Variants in NOL3 observed in about 807,000 individuals in gnomAD.
The protein encoded by NOL3 is nucleolar protein 3, also known as muscle-enriched cytoplasmic protein.
Under a neutral mutation model 19.2 loss-of-function variants are expected in NOL3, and 18 were observed. That is an observed-to-expected ratio of 0.94 (90% confidence interval 0.65 to 1.39). The LOEUF is 1.39. Among genes scored for constraint, NOL3 ranks in the 40% most tolerant of loss-of-function variants. The pLI is 0.00. For missense variants in NOL3, 290 were observed against 289.5 expected (o/e 1.00, Z -0.01); for synonymous variants, 127 against 137.3 (o/e 0.93, Z 0.52).
exon 2 of NOL3, chr16:67,174,363 T>C: frequency 6.3e-7 from 1 of 1,581,260 alleles, no homozygotes; most frequent in Non-Finnish European, 8.6e-7. Context: ...CTGCTGCTGG[T>C]GCAGGGCAAG....
chr16:67,174,093 G>T, intron 1 of NOL3, 69 bp from the exon 2 acceptor site: 1 of 1,597,170 alleles, frequency 6.3e-7, no homozygotes. Context: ...CATTGAGGGA[G>T]TGGTCAGAGG....
rs773637094 is a variant in NOL3 at position 67,174,658 on chromosome 16, C to A, written c.333C>A (p.Gly111=). The change falls in exon 3 of 4, where the codon GGC becomes GGA. Residue 111 remains glycine, a synonymous_variant. Transcript: ENST00000268605. ...GCAGCTATGACCCTCCATGCCCAGG[C>A]CACTGGACGCCGGAGGCACCCGGCT... 9 of 1,577,052 alleles carry A rather than the reference C, an allele frequency of 5.7e-6. No homozygotes were observed. The African/African-American group carries it at 8.1e-5, about 14-fold the overall frequency.
exon 2 of NOL3, chr16:67,174,380 G>A (rs746171230): frequency 4.5e-6 from 7 of 1,564,076 alleles, no homozygotes; most frequent in Non-Finnish European, 6.0e-6. Flanking sequence ...CAAGGGCGAG[G>A]CCGCCTGCCA....
At chr16:67,175,643 G>A (rs1180819924) in exon 4 of NOL3, 2 of 153,820 alleles carry the variant, frequency 1.3e-5, no homozygotes, top group African/African-American at 2.4e-5. Context: ...CTCTGGACTG[G>A]GAGCTCAGTG....
intron 1 of NOL3, chr16:67,171,200 T>A (rs2031734633): frequency 6.6e-6 from 1 of 152,386 alleles, no homozygotes; most frequent in African/African-American, 2.4e-5. Flanking sequence ...AGGGACACTC[T>A]GGAAAACTCA....
At chr16:67,172,053 C>G (rs964909864) in intron 1 of NOL3, 1 of 152,072 alleles carries the variant, frequency 6.6e-6, no homozygotes, top group Admixed American at 6.6e-5. Context: ...GGCAGGATGG[C>G]GGCTAGGACT....
chr16:67,172,782 G>A (rs2031844215), intron 1 of NOL3: 2 of 151,158 alleles, frequency 1.3e-5, no homozygotes, highest in Non-Finnish European at 2.9e-5. Context: ...CCAGCAGTTC[G>A]AGACCAGCCT....
chr16:67,172,690 G>C, intron 1 of NOL3: 1 of 151,646 alleles, frequency 6.6e-6, no homozygotes, highest in South Asian at 2.1e-4. Context: ...TCAAGAGCCA[G>C]GCATGGTGGT....
intron 1 of NOL3, chr16:67,173,095 C>CAAAAA (rs914398400): frequency 7.8e-5 from 5 of 64,238 alleles, no homozygotes; most frequent in South Asian, 5.6e-4. Context: ...GACTCCATCT[C>CAAAAA]AAAAAAAAAA....
Position 67,174,978 on chromosome 16 carries a change from C to T in NOL3, c.619+34C>T, listed in dbSNP as rs143155940. 93 of 1,608,526 alleles carry T rather than the reference C, an allele frequency of 5.8e-5. No individual in the cohort carries two copies. In the African/African-American group the frequency reaches 1.1e-3, roughly 19 times the overall value. Reference sequence around the variant, plus strand: ...CCGCCCAAACCCTGAGCCGGCTTGGCGGGAGGGCATGGCCTGGGAAGCGGA... The same window carrying T: ...CCGCCCAAACCCTGAGCCGGCTTGGTGGGAGGGCATGGCCTGGGAAGCGGA... On this transcript the variant is annotated intron_variant, in intron 3 of 3. Coordinates refer to ENST00000268605, the Ensembl canonical transcript of NOL3.
At chr16:67,175,161 G>A (rs765499770) in exon 4 of NOL3, 3 of 1,590,740 alleles carry the variant, frequency 1.9e-6, no homozygotes, top group South Asian at 1.1e-5. Context: ...CAGTACCGCT[G>A]GAAGTGAATA....
Position 67,174,148 on chromosome 16 carries a change from C to T in NOL3, c.-8-14C>T, listed in dbSNP as rs776785198. On this transcript the variant is annotated splice_polypyrimidine_tract_variant and intron_variant, in intron 1 of 3. Transcript: ENST00000268605. ...GGCAACCCCCCATTACTTCTCTCCC[C>T]TTTCCCCATGCAGCCCCGACAATGG... 6.2e-7 allele frequency: 1 copy of T among 1,605,128 alleles called. No homozygotes were observed. Among genetic ancestry groups the T allele is most frequent in the Non-Finnish European group, 8.5e-7 (1 of 1,175,018 alleles).
chr16:67,174,179 GCGCAGGAGC>G (rs1398293646), exon 2 of NOL3: 1 of 1,610,162 alleles, frequency 6.2e-7, no homozygotes, highest in Non-Finnish European at 8.5e-7. Context: ...AATGGGCAAC[GCGCAGGAGC>G]GGCCGTCAGA....
chr16:67,170,759 GGT>G lies in NOL3; in HGVS notation c.-9+187_-9+188del, dbSNP rs1386545201. ...GCAGGACTCTCAAGCTCTGGGACTG[GGT>G]GGAGGGAGGTAAGGGGCGGGGGGGG... is the stretch of plus-strand genomic sequence containing the variant. On this transcript the variant is annotated intron_variant, in intron 1 of 3. Coordinates refer to ENST00000268605, the Ensembl canonical transcript of NOL3. The surrounding 1 kb of genome is among the most constrained non-coding windows in gnomAD (Gnocchi z 5.7). Among the ~76,000 whole-genome samples, 1 of 150,792 alleles carries G rather than the reference GGT, an allele frequency of 6.6e-6. No homozygotes were observed. Among genetic ancestry groups the G allele is most frequent in the African/African-American group, 2.5e-5 (1 of 40,282 alleles).
Position 67,174,534 on chromosome 16 carries a change from G to A in NOL3, c.295+70G>A, listed in dbSNP as rs1597255196. The A allele has an allele frequency of 3.4e-6, 5 of 1,475,896 alleles. No individual in the cohort carries two copies. The African/African-American group carries it at 5.6e-5, about 17-fold the overall frequency. The allele number at this position is 1,475,896 out of a possible 1,614,324, so 91.4% of individuals were successfully genotyped here. ...GGGGCAGACAAAAGGCCCGGGGAGG[G>A]CAGGGTTGTCGTCTCCGCTAGAAGT... is the stretch of plus-strand genomic sequence containing the variant. On this transcript the variant is annotated intron_variant, in intron 2 of 3. Coordinates refer to ENST00000268605, the Ensembl canonical transcript of NOL3.
exon 2 of NOL3, chr16:67,174,254 C>A (rs1466912631): frequency 1.2e-6 from 2 of 1,612,654 alleles, no homozygotes; most frequent in Non-Finnish European, 1.7e-6. Flanking sequence ...GGACTCGGGA[C>A]TGCTGTTGGA....
At chr16:67,175,142 G>A (rs761222504) in exon 4 of NOL3, 3 of 1,611,228 alleles carry the variant, frequency 1.9e-6, no homozygotes, top group African/African-American at 2.7e-5. Context: ...ACCAAGGCTC[G>A]GTCCAGCCCA....
Position 67,170,788 on chromosome 16 carries a change from A to T in NOL3, c.-9+214A>T, listed in dbSNP as rs1444693843. Among the ~76,000 whole-genome samples the T allele has an allele frequency of 7.4e-6, 1 of 135,074 alleles. No individual in the cohort carries two copies. The highest frequency in any genetic ancestry group is 1.5e-5 in the Non-Finnish European group (1 of 67,744). 88.6% of individuals were successfully genotyped at this position (135,074 alleles called of 152,430 possible). ...GAGGGAGGTAAGGGGCGGGGGGGGAAAATCCGTGCAGTCGCACATGCGCAA... is the reference window on the plus strand; with the variant it reads ...GAGGGAGGTAAGGGGCGGGGGGGGATAATCCGTGCAGTCGCACATGCGCAA... On this transcript the variant is annotated intron_variant, in intron 1 of 3. Coordinates refer to ENST00000268605, the Ensembl canonical transcript of NOL3. This position sits in a 1 kb window ranked among gnomAD's most constrained non-coding sequence, Gnocchi z 5.7.
At chr16:67,173,895 G>A in intron 1 of NOL3, 1 of 1,535,920 alleles carries the variant, frequency 6.5e-7, no homozygotes, top group South Asian at 1.2e-5. Flanking sequence ...AGGCAGGGGA[G>A]GAGAGGAGAG....
Sources: gnomAD v4.1 joint callset for allele counts (sites outside exome capture counted in the v4.1 genomes callset) on GRCh38, gnomAD v4.1.1 for gene constraint, Gnocchi (gnomAD v3.1) non-coding constraint, MANE v1.5 for transcripts, NCBI Gene and HGNC (gene_info 2026-07-23, HGNC 2026-07-21) for gene names.